The following ADGRE2 variants were observed in gnomAD, a reference collection of about 807,000 sequenced individuals.
ADGRE2 encodes the protein CD97 antigen.
ADGRE2 carries 83 observed loss-of-function variants against 100.8 expected under a neutral mutation model. The ratio of observed to expected loss-of-function variants is 0.82; its 90% confidence interval spans 0.69 to 0.99. The LOEUF (loss-of-function observed/expected upper bound fraction) is 0.99. ADGRE2 is among the 50% of genes least tolerant of loss of function. The probability of loss-of-function intolerance (pLI) is 0.00; values close to 1 mark genes in which losing one functional copy is unlikely to be tolerated. For missense variants in ADGRE2, 814 were observed against 1,035.7 expected (o/e 0.79, Z 2.94); for synonymous variants, 355 against 413.0 (o/e 0.86, Z 1.70).
At chr19:14,748,029 G>C (rs2043143803) in intron 16 of ADGRE2, among the ~76,000 whole-genome samples, 1 of 152,184 alleles carries the variant, frequency 6.6e-6, no homozygotes, top group South Asian at 2.1e-4. Context: ...TTGTTATGTA[G>C]GTAAAATGCA....
At chr19:14,770,391 G>A (rs73010021) in intron 5 of ADGRE2, among the ~76,000 whole-genome samples, 4,998 of 152,160 alleles carry the variant, frequency 0.033, 124 homozygotes, top group Non-Finnish European at 0.052. Flanking sequence ...TGTCTTACAT[G>A]GCCTGCAGAA....
chr19:14,739,428 A>T (rs1026589640), intron 20 of ADGRE2, among the ~76,000 whole-genome samples: 1 of 152,188 alleles, frequency 6.6e-6, no homozygotes, highest in Non-Finnish European at 1.5e-5. Context: ...TTTGTTGGCT[A>T]TCTGATGACC....
intron 5 of ADGRE2, among the ~76,000 whole-genome samples, chr19:14,769,265 A>C (rs1437307850): frequency 6.6e-6 from 1 of 152,020 alleles, no homozygotes; most frequent in Non-Finnish European, 1.5e-5. Flanking sequence ...AACAAATAAG[A>C]TGCCAGATGG....
At chr19:14,769,920 G>A (rs1181288895) in intron 5 of ADGRE2, among the ~76,000 whole-genome samples, 1 of 152,070 alleles carries the variant, frequency 6.6e-6, no homozygotes, top group Non-Finnish European at 1.5e-5. Flanking sequence ...GGATGGTCTC[G>A]ATCTCCTGAC....
At chr19:14,766,483 A>C (rs2043982975) in intron 6 of ADGRE2, 102 bp from the exon 7 acceptor site, 1 of 1,389,860 alleles carries the variant, frequency 7.2e-7, no homozygotes, top group Admixed American at 2.3e-5. Context: ...CTCAGACTGA[A>C]GACCATTATT....
In ADGRE2 at chr19:14,736,222, T is replaced by A. The variant is rs2042741738; in HGVS notation, c.*14A>T. ...CCACGGGCAAAGAGGGAAGATCTTA[T>A]TCAGAAGATTTTTCTAGTTAACCTG... On this transcript the variant is annotated 3_prime_UTR_variant, in exon 21 of 21. Transcript: ENST00000315576. 1 of 1,583,634 alleles carries A rather than the reference T, an allele frequency of 6.3e-7. No individual in the cohort carries two copies. The highest frequency in any genetic ancestry group is 2.2e-5 in the East Asian group (1 of 44,596).
chr19:14,743,297 G>T, intron 20 of ADGRE2, 123 bp downstream of exon 20: 1 of 763,448 alleles, frequency 1.3e-6, no homozygotes, highest in South Asian at 1.5e-5. Flanking sequence ...GAGTCAAGGC[G>T]TACTCAGATG....
downstream of ADGRE2, among the ~76,000 whole-genome samples, chr19:14,730,036 A>G (rs1286729813): frequency 1.3e-5 from 2 of 151,790 alleles, no homozygotes; most frequent in African/African-American, 4.8e-5. Flanking sequence ...GAAGGAAAAT[A>G]GAGAGAAGAG....
chr19:14,751,621 G>A lies in ADGRE2; in HGVS notation c.1839C>T (p.Thr613=), dbSNP rs1324366163. The change falls in exon 16 of 21, where the codon ACC becomes ACT. Residue 613 remains threonine, a synonymous_variant. Transcript: ENST00000315576. ...GGGCCTCCAGCAGCATCCAGGTCAA[G>A]GTGGCCAGGTAGAGATAGTGCAAGG... ...AGTLHYLYLA[T]LTWMLLEALY... The A allele has an allele frequency of 6.2e-7, 1 of 1,613,898 alleles. No homozygotes were observed. Among genetic ancestry groups the A allele is most frequent in the African/African-American group, 1.3e-5 (1 of 74,884 alleles).
chr19:14,747,571 G>A (rs914851616), intron 16 of ADGRE2, among the ~76,000 whole-genome samples: 1 of 152,084 alleles, frequency 6.6e-6, no homozygotes, highest in Non-Finnish European at 1.5e-5. Flanking sequence ...TTTGGGAGCC[G>A]AGGCGGGTGG....
intron 11 of ADGRE2, among the ~76,000 whole-genome samples, chr19:14,762,145 A>G (rs1387237322): frequency 6.6e-6 from 1 of 152,048 alleles, no homozygotes; most frequent in African/African-American, 2.4e-5. Flanking sequence ...TCAGTCATAC[A>G]TTCATATTTA....
At chr19:14,742,144 A>G in intron 20 of ADGRE2, 1 of 398,550 alleles carries the variant, frequency 2.5e-6, no homozygotes, top group East Asian at 3.6e-5. Context: ...TGAGTCAAGG[A>G]GTCGCTCAAA....
At chr19:14,773,360 C>G (rs2044294249) in intron 4 of ADGRE2, among the ~76,000 whole-genome samples, 1 of 139,000 alleles carries the variant, frequency 7.2e-6, no homozygotes, top group Admixed American at 7.3e-5. Context: ...CTCCCTCTCT[C>G]TCTTTTTCTT....
rs2044000401 is a variant in ADGRE2, at chr19:14,766,861, C to T, written c.487+117G>A. On this transcript the variant is annotated intron_variant, in intron 6 of 20. Coordinates refer to ENST00000315576, the MANE Select transcript of ADGRE2 (RefSeq NM_013447.4). ...TCCTTAGGCAGGGGCTTAGCAGGTC[C>T]TTGACCTTGTGGGAACCTGCGGATC... The T allele has an allele frequency of 3.2e-6, 4 of 1,239,214 alleles. No individual in the cohort carries two copies. The South Asian group carries it at 5.7e-5, about 18-fold the overall frequency. 76.8% of individuals were successfully genotyped at this position (1,239,214 alleles called of 1,614,324 possible). A position where few individuals can be genotyped will look rare whatever the true frequency, so the allele number is the denominator to read the frequency against.
chr19:14,772,207 T>G (rs1394287213), intron 5 of ADGRE2, 135 bp downstream of exon 5: 6 of 1,285,580 alleles, frequency 4.7e-6, no homozygotes, highest in Non-Finnish European at 6.6e-6. Flanking sequence ...AACAGGTACA[T>G]GCACACCTGT....
chr19:14,736,128 A>C lies in ADGRE2; in HGVS notation c.*108T>G. The C allele has an allele frequency of 9.4e-7, 1 of 1,063,358 alleles. No homozygotes were observed. The highest frequency in any genetic ancestry group is 1.4e-6 in the Non-Finnish European group (1 of 712,224). The allele number at this position is 1,063,358 out of a possible 1,614,324, so 65.9% of individuals were successfully genotyped here. The stretch of plus-strand genomic sequence containing the variant: ...ATCCTTCATATTGCTGACATGGTGA[A>C]TTTCTTGAAACACACAGAACAAAGT... On this transcript the variant is annotated 3_prime_UTR_variant, in exon 21 of 21. Transcript: ENST00000315576.
intron 20 of ADGRE2, among the ~76,000 whole-genome samples, chr19:14,738,333 G>C (rs897577641): frequency 1.3e-5 from 2 of 152,144 alleles, no homozygotes; most frequent in Admixed American, 1.3e-4. Context: ...TGTTAGAAGT[G>C]TTATCTATTG....
At chr19:14,749,324 A>G (rs1259281600) in intron 16 of ADGRE2, among the ~76,000 whole-genome samples, 1 of 111,136 alleles carries the variant, frequency 9.0e-6, no homozygotes, top group Non-Finnish European at 1.7e-5. Context: ...ATATACATAT[A>G]TAATATAATT....
intron 16 of ADGRE2, among the ~76,000 whole-genome samples, chr19:14,749,334 TATA>T (rs200605438): frequency 0.41 from 57,655 of 142,350 alleles, 13,151 homozygotes; most frequent in African/African-American, 0.59. Context: ...ATAATATAAT[TATA>T]ATGATATGAT....
Sources: allele counts gnomAD v4.1 joint callset (sites outside exome capture counted in the v4.1 genomes callset), GRCh38; gene constraint gnomAD v4.1.1; transcripts MANE v1.5; gene names NCBI Gene and HGNC (gene_info 2026-07-23, HGNC 2026-07-21).